OPCML: variants seen among roughly 807,000 people sequenced by gnomAD.
The protein encoded by OPCML is opioid binding protein/cell adhesion molecule like.
Under a neutral mutation model 37.8 loss-of-function variants are expected in OPCML, and 13 were observed. The ratio of observed to expected loss-of-function variants is 0.34; its 90% CI spans 0.22 to 0.55. The LOEUF (loss-of-function observed/expected upper bound fraction) is 0.55, where lower values mean the gene tolerates loss of function less well. OPCML is among the 20% of genes least tolerant of loss of function. OPCML has a pLI of 0.91. For missense variants in OPCML, 341 were observed against 435.6 expected (o/e 0.78, Z 1.93); for synonymous variants, 176 against 168.8 (o/e 1.04, Z -0.33).
At chr11:133,053,118 T>C (rs1017128131) in intron 1 of OPCML, among the ~76,000 whole-genome samples, 4 of 152,232 alleles carry the variant, frequency 2.6e-5, no homozygotes, top group Non-Finnish European at 5.9e-5. Flanking sequence ...CACATCTTGG[T>C]TGGACTCCCA....
At chr11:132,438,757 G>A (rs1446638433) in intron 4 of OPCML, among the ~76,000 whole-genome samples, 1 of 151,898 alleles carries the variant, frequency 6.6e-6, no homozygotes, top group African/African-American at 2.4e-5. Flanking sequence ...TAGTGTGTAA[G>A]GTGTGCAGCA....
intron 1 of OPCML, among the ~76,000 whole-genome samples, chr11:132,986,711 G>C (rs963573029): frequency 6.6e-6 from 1 of 152,146 alleles, no homozygotes; most frequent in South Asian, 2.1e-4. Context: ...CTTTTAAATG[G>C]AAATTGGTAC....
At chr11:132,907,033 A>T (rs1328434236) in intron 2 of OPCML, among the ~76,000 whole-genome samples, 1 of 152,228 alleles carries the variant, frequency 6.6e-6, no homozygotes, top group Non-Finnish European at 1.5e-5. Context: ...TATCCTGACC[A>T]TGAAAATCTG....
chr11:132,745,563 CAAAAAAAAA>C (rs10562857), intron 2 of OPCML, among the ~76,000 whole-genome samples: 3 of 102,980 alleles, frequency 2.9e-5, no homozygotes, highest in Non-Finnish European at 5.7e-5. Flanking sequence ...TGCTGTCTTG[CAAAAAAAAA>C]AAAAAAAAAA....
At chr11:133,276,716 ATCT>A (rs1942004552) in intron 1 of OPCML, among the ~76,000 whole-genome samples, 1 of 152,082 alleles carries the variant, frequency 6.6e-6, no homozygotes, top group Non-Finnish European at 1.5e-5. Context: ...ACTGTTGGTC[ATCT>A]TCTTCTTGAA....
At chr11:133,290,733 C>T (rs1475535936) in intron 1 of OPCML, among the ~76,000 whole-genome samples, 2 of 152,228 alleles carry the variant, frequency 1.3e-5, no homozygotes, top group Non-Finnish European at 2.9e-5. Flanking sequence ...GGGCAGCATG[C>T]CCTGGCTTCC....
intron 3 of OPCML, among the ~76,000 whole-genome samples, chr11:132,534,546 TAAAG>T (rs1226643160): frequency 6.6e-6 from 1 of 152,184 alleles, no homozygotes; most frequent in East Asian, 1.9e-4. Flanking sequence ...TGTCTTTCTG[TAAAG>T]TTAGTTGGGA....
intron 1 of OPCML, among the ~76,000 whole-genome samples, chr11:133,137,866 A>C (rs184553622): frequency 3.9e-5 from 6 of 152,330 alleles, no homozygotes; most frequent in Admixed American, 2.6e-4. Flanking sequence ...ATCCAGTGAA[A>C]GTGTGAACAG....
intron 1 of OPCML, among the ~76,000 whole-genome samples, chr11:133,399,454 T>C (rs967139399): frequency 1.3e-5 from 2 of 152,190 alleles, no homozygotes; most frequent in Admixed American, 6.5e-5. Flanking sequence ...AAGCTCTTGA[T>C]GAATGCCAGC....
chr11:132,556,169 C>G (rs927907953), intron 3 of OPCML, among the ~76,000 whole-genome samples: 3 of 152,126 alleles, frequency 2.0e-5, no homozygotes, highest in African/African-American at 7.2e-5. Flanking sequence ...TCTCAAACTT[C>G]TGGGCTCAAG....
intron 3 of OPCML, among the ~76,000 whole-genome samples, chr11:132,598,982 A>T (rs1937637539): frequency 6.6e-6 from 1 of 152,184 alleles, no homozygotes; most frequent in South Asian, 2.1e-4. Context: ...GCAGACAGAA[A>T]ACCTAAGCCA....
chr11:133,449,366 G>A (rs537690371), intron 1 of OPCML, among the ~76,000 whole-genome samples: 1 of 152,328 alleles, frequency 6.6e-6, no homozygotes, highest in East Asian at 1.9e-4. Context: ...GAATGGGTGT[G>A]GCTGTGTTTT....
At chr11:132,638,345 A>G (rs1027420511) in intron 3 of OPCML, among the ~76,000 whole-genome samples, 1 of 152,014 alleles carries the variant, frequency 6.6e-6, no homozygotes, top group African/African-American at 2.4e-5. Flanking sequence ...GGTAACAGAA[A>G]AAAAGTCATA....
chr11:132,759,730 A>C (rs2136093448), intron 2 of OPCML, among the ~76,000 whole-genome samples: 1 of 151,776 alleles, frequency 6.6e-6, no homozygotes, highest in African/African-American at 2.4e-5. Flanking sequence ...CTATTTTGTT[A>C]ATCTTTTCTA....
intron 1 of OPCML, among the ~76,000 whole-genome samples, chr11:133,105,034 G>A (rs1169494289): frequency 2.0e-5 from 3 of 152,138 alleles, no homozygotes; most frequent in Non-Finnish European, 4.4e-5. Flanking sequence ...TGAATTGTTA[G>A]GCACATTAAG....
At chr11:132,664,782 A>T (rs931928749) in intron 2 of OPCML, among the ~76,000 whole-genome samples, 1 of 152,224 alleles carries the variant, frequency 6.6e-6, no homozygotes, top group Non-Finnish European at 1.5e-5. Context: ...TAAATTATGT[A>T]AGGGAAAACT....
chr11:133,216,005 G>A (rs1939572575), intron 1 of OPCML, among the ~76,000 whole-genome samples: 1 of 152,146 alleles, frequency 6.6e-6, no homozygotes, highest in Non-Finnish European at 1.5e-5. Context: ...GGGGGTGGGA[G>A]GCAGGTGGGC....
At chr11:132,754,558 G>A (rs1175407953) in intron 2 of OPCML, among the ~76,000 whole-genome samples, 2 of 152,098 alleles carry the variant, frequency 1.3e-5, no homozygotes, top group South Asian at 4.2e-4. Context: ...TTTATCAGCA[G>A]AATGAAAACA....
chr11:133,368,453 G>C (rs542328975), intron 1 of OPCML, among the ~76,000 whole-genome samples: 10 of 152,232 alleles, frequency 6.6e-5, no homozygotes, highest in Admixed American at 5.2e-4. Context: ...TGGTGTGAAA[G>C]GATCTGTTGC....
Sources: gnomAD v4.1 joint callset for allele counts (sites outside exome capture counted in the v4.1 genomes callset) on GRCh38, gnomAD v4.1.1 for gene constraint, MANE v1.5 for transcripts, NCBI Gene and HGNC (gene_info 2026-07-23, HGNC 2026-07-21) for gene names.